The following RFX6 variants were observed in gnomAD, a reference collection of about 807,000 sequenced individuals.
RFX6 encodes the protein DNA-binding protein RFX6.
Under a neutral mutation model 110.8 loss-of-function variants are expected in RFX6, and 50 were observed. That is an observed-to-expected ratio of 0.45 (90% CI 0.36 to 0.57). The LOEUF (loss-of-function observed/expected upper bound fraction) is 0.57. Ranked by LOEUF, RFX6 falls within the 20% of genes least tolerant of loss-of-function variation. RFX6 has a pLI of 0.00. For missense variants in RFX6, 990 were observed against 1,127.0 expected, an observed-to-expected ratio of 0.88 and a Z score of 1.74; for synonymous variants, 383 against 411.2, an observed-to-expected ratio of 0.93 and a Z score of 0.83.
Position 116,927,118 on chromosome 6 carries a change from A to G in RFX6, c.1977A>G (p.Gly659=), listed in dbSNP as rs1258843716. ...MASRGSVINQ[G]PMAGRPPSVG... ...GCCGAGGAAGTGTCATTAACCAAGG[A>G]CCAATGGCAGGGAGGCCCCCAAGTG... Residue 659 remains glycine (G), a synonymous_variant, in exon 17 of 19, where the codon GGA becomes GGG. Transcript: ENST00000332958. 8 of 1,614,092 alleles carry G rather than the reference A, an allele frequency of 5.0e-6. No individual in the cohort carries two copies. In the Admixed American group the frequency reaches 6.7e-5, roughly 13 times the overall value.
In RFX6 at chr6:116,925,510, A is replaced by C. The variant is rs774909067; in HGVS notation, c.1736A>C (p.Asn579Thr). 2 of 1,614,172 alleles carry C rather than the reference A, an allele frequency of 1.2e-6. No homozygotes were observed. The highest frequency in any genetic ancestry group is 2.2e-5 in the South Asian group (2 of 91,090). ...AGTTCATGCTTTCTGGCCAACCGTA[A>C]TAAAGGGAGCATGGTTTCCAGCGAC... is the stretch of plus-strand genomic sequence containing the variant. Reference protein sequence around the residue: ...SPSSCFLANRNKGSMVSSDAV... With the variant: ...SPSSCFLANRTKGSMVSSDAV... The change falls in exon 16 of 19, where the codon AAT becomes ACT. Residue 579 changes from asparagine to threonine, a missense_variant. By Grantham distance (65) the Asn-to-Thr change is moderately conservative. Transcript: ENST00000332958.
Position 116,931,566 on chromosome 6 carries a change from A to C in RFX6, c.*60A>C. ...AAAAAATCTCTACTGTGCAAATATCATTATTCACTCAGACTTCCATAAGAG... is the reference window on the plus strand; with the variant it reads ...AAAAAATCTCTACTGTGCAAATATCCTTATTCACTCAGACTTCCATAAGAG... On this transcript the variant is annotated 3_prime_UTR_variant, in exon 19 of 19. Coordinates refer to ENST00000332958, the MANE Select transcript of RFX6 (RefSeq NM_173560.4). 1 of 1,193,690 alleles carries C rather than the reference A, an allele frequency of 8.4e-7. No individual in the cohort carries two copies. Among genetic ancestry groups the C allele is most frequent in the Non-Finnish European group, 1.2e-6 (1 of 819,084 alleles). 73.9% of individuals were successfully genotyped at this position (1,193,690 alleles called of 1,614,324 possible).
intron 9 of RFX6, 113 bp from the exon 10 acceptor site, chr6:116,917,924 G>A: frequency 1.3e-6 from 1 of 740,856 alleles, no homozygotes; most frequent in South Asian, 1.6e-5. Flanking sequence ...TGAGAAAGGA[G>A]TTAACATGTT....
At chr6:116,930,834 A>G (rs1775867943) in intron 18 of RFX6, among the ~76,000 whole-genome samples, 1 of 152,198 alleles carries the variant, frequency 6.6e-6, no homozygotes, top group South Asian at 2.1e-4. Context: ...TACATAGGGT[A>G]AGATGCTTGG....
intron 4 of RFX6, among the ~76,000 whole-genome samples, chr6:116,888,284 T>C (rs977111551): frequency 6.6e-6 from 1 of 152,200 alleles, no homozygotes; most frequent in Non-Finnish European, 1.5e-5. Flanking sequence ...AGGCACAAAG[T>C]AAATATTTTA....
Position 116,923,091 on chromosome 6 carries a change from G to A in RFX6, c.1438-16G>A, listed in dbSNP as rs746174742. ...AGGACGGATTTTATAGTTTCATTTT[G>A]TTCCTTTACTTTTAGACCAGCAAAC... On this transcript the variant is annotated splice_polypyrimidine_tract_variant and intron_variant, in intron 13 of 18. Transcript: ENST00000332958. The A allele has an allele frequency of 1.5e-6, 2 of 1,334,118 alleles. No individual in the cohort carries two copies. The highest frequency in any genetic ancestry group is 2.3e-5 in the East Asian group (1 of 43,482). 82.6% of individuals were successfully genotyped at this position (1,334,118 alleles called of 1,614,324 possible). A position where few individuals can be genotyped will look rare whatever the true frequency, so the allele number is the denominator to read the frequency against.
chr6:116,914,985 G>T (rs947096596), intron 7 of RFX6, among the ~76,000 whole-genome samples: 1 of 152,128 alleles, frequency 6.6e-6, no homozygotes, highest in South Asian at 2.1e-4. Flanking sequence ...ACTAGTAAGT[G>T]GCAAATTAGA....
chr6:116,901,530 T>C (rs544936970), intron 6 of RFX6, among the ~76,000 whole-genome samples: 2 of 152,296 alleles, frequency 1.3e-5, no homozygotes, highest in Non-Finnish European at 2.9e-5. Context: ...TAGCAAAGTA[T>C]ATGAAGAGGC....
Position 116,922,032 on chromosome 6 carries a change from T to TTTC in RFX6, c.1328-10_1328-9insTTC. ...TTCTTTTCTTTCTTTTTTTTTTTTT[T>TTTC]CCTGGGTAGATGACTCTATCACTGT... is the stretch of plus-strand genomic sequence containing the variant. On this transcript the variant is annotated splice_polypyrimidine_tract_variant and intron_variant, in intron 12 of 18. Transcript: ENST00000332958. 8.6e-7 allele frequency: 1 copy of TTTC among 1,157,790 alleles called. No homozygotes were observed. The highest frequency in any genetic ancestry group is 1.3e-6 in the Non-Finnish European group (1 of 773,460). 71.7% of individuals were successfully genotyped at this position (1,157,790 alleles called of 1,614,324 possible).
At chr6:116,926,912 G>A in intron 16 of RFX6, 115 bp from the exon 17 acceptor site, 1 of 995,022 alleles carries the variant, frequency 1.0e-6, no homozygotes, top group African/African-American at 1.6e-5. Flanking sequence ...TTGGAGGGCA[G>A]GAATGAAGCA....
chr6:116,925,724 TA>T (rs1775709447), intron 16 of RFX6, 65 bp downstream of exon 16: 16 of 1,066,950 alleles, frequency 1.5e-5, no homozygotes, highest in Middle Eastern at 2.8e-4. Flanking sequence ...TCATTTTTCT[TA>T]AAACTCATAA....
chr6:116,901,347 A>G (rs1396201397), intron 6 of RFX6, among the ~76,000 whole-genome samples: 1 of 103,010 alleles, frequency 9.7e-6, no homozygotes, highest in Non-Finnish European at 2.0e-5. Context: ...GTGACTATTA[A>G]TTAAGTAAAG....
intron 6 of RFX6, among the ~76,000 whole-genome samples, chr6:116,909,542 A>C (rs974747490): frequency 6.6e-6 from 1 of 151,732 alleles, no homozygotes; most frequent in African/African-American, 2.4e-5. Context: ...GCATTTCTTA[A>C]ATTAAGATAG....
At chr6:116,878,960 G>A (rs1360475043) in intron 2 of RFX6, among the ~76,000 whole-genome samples, 2 of 151,838 alleles carry the variant, frequency 1.3e-5, no homozygotes, top group Non-Finnish European at 2.9e-5. Context: ...TATTGAAGTT[G>A]ATGTCGTGGT....
intron 2 of RFX6, 59 bp downstream of exon 2, chr6:116,878,011 T>G (rs1774503758): frequency 1.3e-6 from 2 of 1,509,220 alleles, no homozygotes; most frequent in Non-Finnish European, 1.8e-6. Flanking sequence ...AGCCAGCGTC[T>G]TCAGGATCTT....
At chr6:116,884,303 C>G (rs1774653730) in intron 4 of RFX6, among the ~76,000 whole-genome samples, 1 of 152,138 alleles carries the variant, frequency 6.6e-6, no homozygotes, top group South Asian at 2.1e-4. Flanking sequence ...CTCCTCTAAA[C>G]AGATAATACA....
chr6:116,918,170 A>G, intron 10 of RFX6, 84 bp downstream of exon 10: 1 of 950,184 alleles, frequency 1.1e-6, no homozygotes, highest in African/African-American at 1.6e-5. Flanking sequence ...TTAGGTAGTA[A>G]TTTATTCATT....
At chr6:116,899,037 A>G (rs1775011005) in intron 6 of RFX6, among the ~76,000 whole-genome samples, 1 of 152,208 alleles carries the variant, frequency 6.6e-6, no homozygotes, top group Non-Finnish European at 1.5e-5. Context: ...TTTCTCACAG[A>G]TTTATTGAGA....
At chr6:116,922,739 G>A (rs1775628797) in intron 13 of RFX6, among the ~76,000 whole-genome samples, 1 of 152,068 alleles carries the variant, frequency 6.6e-6, no homozygotes, top group African/African-American at 2.4e-5. Flanking sequence ...TTATCATTCA[G>A]TACCAAAGAA....
Sources: allele counts gnomAD v4.1 joint callset (sites outside exome capture counted in the v4.1 genomes callset), GRCh38; gene constraint gnomAD v4.1.1; transcripts MANE v1.5; gene names NCBI Gene and HGNC (gene_info 2026-07-23, HGNC 2026-07-21).